The following MACROD2 variants were observed in gnomAD, a reference collection of about 807,000 sequenced individuals.
MACROD2 encodes ADP-ribose glycohydrolase MACROD2.
MACROD2 carries 36 observed loss-of-function variants against 70.4 expected under a neutral mutation model. The observed-to-expected ratio is 0.51, with a 90% CI of 0.39 to 0.68. MACROD2 has a LOEUF of 0.68. Ranked by LOEUF, MACROD2 falls within the 30% of genes least tolerant of loss-of-function variation. MACROD2 has a pLI of 0.00. For missense variants in MACROD2, 496 were observed against 538.4 expected (o/e 0.92, Z 0.78); for synonymous variants, 172 against 178.8 (o/e 0.96, Z 0.30).
intron 8 of MACROD2, among the ~76,000 whole-genome samples, chr20:15,692,020 TA>T (rs2050305185): frequency 6.6e-6 from 1 of 152,212 alleles, no homozygotes. Context: ...ACTCTAATTA[TA>T]ATTGGGTTTC....
At chr20:14,086,357 G>T (rs182375487) in intron 3 of MACROD2, 1 of 216,316 alleles carries the variant, frequency 4.6e-6, no homozygotes, top group African/African-American at 2.3e-5. Flanking sequence ...TATAACAGCC[G>T]TGATTCTACA....
rs908925826 is a variant in MACROD2 at position 15,878,716 on chromosome 20, G to A, written c.728-7048G>A. Among the ~76,000 whole-genome samples, 57 of 152,026 alleles carry A rather than the reference G, an allele frequency of 3.7e-4. 1 individual carries two copies. The highest frequency in any genetic ancestry group is 1.3e-3 in the African/African-American group (55 of 41,412). On this transcript the variant is annotated intron_variant, in intron 9 of 17. Transcript: ENST00000684519. ...TGACAGGTACCTGCTCAGAAGACAAGTATAATAATTAAAACAAAAATCATT... is the reference window on the plus strand; with the variant it reads ...TGACAGGTACCTGCTCAGAAGACAAATATAATAATTAAAACAAAAATCATT...
At chr20:15,346,107 A>T (rs77184809) in intron 6 of MACROD2, among the ~76,000 whole-genome samples, 17 of 140,556 alleles carry the variant, frequency 1.2e-4, no homozygotes, top group Admixed American at 1.4e-4. Flanking sequence ...TAAGGTAAAA[A>T]TTTTTTTTTT....
chr20:14,553,482 G>T (rs1978810113), intron 4 of MACROD2, among the ~76,000 whole-genome samples: 1 of 147,750 alleles, frequency 6.8e-6, no homozygotes, highest in East Asian at 2.0e-4. Flanking sequence ...GGTAGATACA[G>T]AAAGCAGTAA....
intron 5 of MACROD2, among the ~76,000 whole-genome samples, chr20:15,026,731 T>A (rs753435714): frequency 6.6e-6 from 1 of 152,014 alleles, no homozygotes; most frequent in African/African-American, 2.4e-5. Context: ...TTTGGAGATA[T>A]CAATAAAAGA....
intron 15 of MACROD2, among the ~76,000 whole-genome samples, chr20:16,004,739 ACT>A (rs905248643): frequency 3.4e-4 from 52 of 152,046 alleles, no homozygotes; most frequent in African/African-American, 1.2e-3. Flanking sequence ...TAGCAGCTTA[ACT>A]CTTTCTCTCT....
intron 3 of MACROD2, among the ~76,000 whole-genome samples, chr20:14,295,278 C>G (rs1465244219): frequency 6.6e-6 from 1 of 151,878 alleles, no homozygotes; most frequent in African/African-American, 2.4e-5. Context: ...GCCAGAATTT[C>G]TTTCCTGTAA....
chr20:14,246,395 G>A (rs1048530531), intron 3 of MACROD2, among the ~76,000 whole-genome samples: 3 of 152,144 alleles, frequency 2.0e-5, no homozygotes. Context: ...AATAAATCAT[G>A]CTTGACTCTC....
chr20:15,802,559 G>C (rs1158714591), intron 8 of MACROD2, among the ~76,000 whole-genome samples: 2 of 151,964 alleles, frequency 1.3e-5, no homozygotes, highest in Admixed American at 6.6e-5. Context: ...TGTATATAAA[G>C]TTTTCAAATA....
At chr20:15,287,624 C>A (rs1261491617) in intron 6 of MACROD2, among the ~76,000 whole-genome samples, 2 of 152,136 alleles carry the variant, frequency 1.3e-5, no homozygotes, top group African/African-American at 4.8e-5. Flanking sequence ...GGGAAGTCTG[C>A]AGTGGAAGCA....
intron 8 of MACROD2, 36 bp downstream of exon 8, chr20:15,499,883 T>G: frequency 7.6e-5 from 119 of 1,575,498 alleles, no homozygotes; most frequent in Non-Finnish European, 9.3e-5. Flanking sequence ...ACATCCAAGA[T>G]GATGTAATTT....
chr20:14,740,805 A>T (rs1409171461), intron 5 of MACROD2, among the ~76,000 whole-genome samples: 3 of 152,108 alleles, frequency 2.0e-5, no homozygotes, highest in Non-Finnish European at 4.4e-5. Flanking sequence ...GCTCATAGAA[A>T]ATCTTGTTAC....
intron 5 of MACROD2, among the ~76,000 whole-genome samples, chr20:15,010,123 G>A (rs1009022388): frequency 5.3e-5 from 8 of 152,108 alleles, no homozygotes; most frequent in African/African-American, 1.7e-4. Flanking sequence ...GGCAGCAATG[G>A]CAAAAGCAAA....
Position 15,588,424 on chromosome 20 carries a change from A to C in MACROD2, c.645+88577A>C, listed in dbSNP as rs551491440. Among the ~76,000 whole-genome samples the C allele has an allele frequency of 3.9e-5, 6 of 152,310 alleles. No individual in the cohort carries two copies. The South Asian group carries it at 1.2e-3, about 32-fold the overall frequency. On this transcript the variant is annotated intron_variant, in intron 8 of 17. Transcript: ENST00000684519. The stretch of plus-strand genomic sequence containing the variant: ...CCTCACGGTCTTAGGGATTAACATT[A>C]GGCTGCTTGCTACTTATGCAAATTT...
At chr20:14,187,919 T>G (rs1031229021) in intron 3 of MACROD2, among the ~76,000 whole-genome samples, 4 of 152,190 alleles carry the variant, frequency 2.6e-5, no homozygotes, top group African/African-American at 9.6e-5. Context: ...TGGTCTGTAC[T>G]CAAATTGTGA....
intron 5 of MACROD2, among the ~76,000 whole-genome samples, chr20:14,701,489 C>T (rs573364963): frequency 1.4e-4 from 22 of 152,236 alleles, no homozygotes; most frequent in Non-Finnish European, 1.3e-4. Flanking sequence ...CTTGGTAATC[C>T]AGTAATTAAA....
At chr20:15,920,796 TA>T (rs1568641375) in intron 10 of MACROD2, among the ~76,000 whole-genome samples, 1 of 152,162 alleles carries the variant, frequency 6.6e-6, no homozygotes, top group Non-Finnish European at 1.5e-5. Flanking sequence ...TTTCTCCACC[TA>T]AAAAATAGAA....
At position 15,793,852 on chromosome 20, in the gene MACROD2, AATTTT is replaced by A. The variant is rs1267776564; in HGVS notation, c.646-68889_646-68885del. 4.7e-5 allele frequency among the ~76,000 whole-genome samples: 7 copies of A among 147,402 alleles called. No individual in the cohort carries two copies. In the East Asian group the frequency reaches 1.4e-3, roughly 29 times the overall value. Reference sequence around the variant, plus strand: ...ATCTATATTATATAAATAAATATATAATTTTATTATATTATATTAAGAATGGGGAT... The same window carrying A: ...ATCTATATTATATAAATAAATATATAATTATATTATATTAAGAATGGGGAT... On this transcript the variant is annotated intron_variant, in intron 8 of 17. Coordinates refer to ENST00000684519, the MANE Select transcript of MACROD2 (RefSeq NM_001351661.2).
chr20:14,186,164 G>A (rs2081342421), intron 3 of MACROD2, among the ~76,000 whole-genome samples: 1 of 151,954 alleles, frequency 6.6e-6, no homozygotes, highest in African/African-American at 2.4e-5. Context: ...CATATACCTA[G>A]GTTCTATAGA....
Sources: gnomAD v4.1 joint callset for allele counts (sites outside exome capture counted in the v4.1 genomes callset) on GRCh38, gnomAD v4.1.1 for gene constraint, MANE v1.5 for transcripts, NCBI Gene and HGNC (gene_info 2026-07-23, HGNC 2026-07-21) for gene names.